FRMPD3: variants seen among roughly 807,000 people sequenced by gnomAD.
FRMPD3 encodes the protein FERM and PDZ domain containing 3, also known as FERM and PDZ domain-containing protein 3.
A neutral mutation model predicts 97.9 loss-of-function variants in FRMPD3; 42 were observed. The ratio of observed to expected loss-of-function variants is 0.43; its 90% CI spans 0.34 to 0.55. The LOEUF (loss-of-function observed/expected upper bound fraction) is 0.55, where lower values mean the gene tolerates loss of function less well. FRMPD3 is among the 20% of genes least tolerant of loss of function. The probability of loss-of-function intolerance (pLI) is 0.03; values close to 1 mark genes in which losing one functional copy is unlikely to be tolerated. For missense variants in FRMPD3, 1,303 were observed against 1,457.7 expected (o/e 0.89, Z 1.73); for synonymous variants, 577 against 581.1 (o/e 0.99, Z 0.10).
Position 107,579,190 on chromosome X carries a change from G to T in FRMPD3, c.1441+2731G>T, listed in dbSNP as rs1444737510. Among the ~76,000 whole-genome samples, 4 of 112,027 alleles carry T rather than the reference G, an allele frequency of 3.6e-5. No individual in the cohort carries two copies. The Admixed American group carries it at 3.8e-4, about 11-fold the overall frequency. ...TTAGGTCCTGGTCTCTCAGAAAAGG[G>T]AGGAAGAGGTCTGGCCAGCTCTATT... On this transcript the variant is annotated intron_variant, in intron 13 of 14. Transcript: ENST00000683843.
intron 4 of FRMPD3, among the ~76,000 whole-genome samples, chrX:107,541,711 G>A (rs1236938119): frequency 9.0e-6 from 1 of 111,438 alleles, no homozygotes; most frequent in Non-Finnish European, 1.9e-5. Context: ...GATACCAGTT[G>A]GGGTTCTTCA....
Position 107,537,631 on chromosome X carries a change from G to T in FRMPD3, c.297+4081G>T, listed in dbSNP as rs183343807. Among the ~76,000 whole-genome samples, 238 of 111,726 alleles carry T rather than the reference G, an allele frequency of 2.1e-3. 1 individual carries two copies. Among genetic ancestry groups the T allele is most frequent in the African/African-American group, 7.4e-3 (229 of 30,758 alleles). On this transcript the variant is annotated intron_variant, in intron 4 of 14. Coordinates refer to ENST00000683843, the MANE Select transcript of FRMPD3 (RefSeq NM_001388459.1). ...TGATCTACGTTTGTAAGGAGGTCCAGGGGGAGAGGTCAGGTGGCATCCAGG... is the reference window on the plus strand; with the variant it reads ...TGATCTACGTTTGTAAGGAGGTCCATGGGGAGAGGTCAGGTGGCATCCAGG...
At position 107,600,471 on chromosome X, in the gene FRMPD3, G is replaced by T. The variant is rs775299172; in HGVS notation, c.2432G>T (p.Arg811Leu). 1 of 1,208,502 alleles carries T rather than the reference G, an allele frequency of 8.3e-7. No individual in the cohort carries two copies. Among genetic ancestry groups the T allele is most frequent in the African/African-American group, 1.8e-5 (1 of 57,048 alleles). Residue 811 changes from arginine to leucine, a missense_variant, in exon 15 of 15, where the codon CGC becomes CTC. Physicochemically the swap from Arg to Leu is moderately radical, Grantham distance 102 (BLOSUM62 -2). Around this residue, in one of 3 missense-constraint regions of FRMPD3, gnomAD observed 764 missense variants for 820.2 expected, o/e 0.93. Transcript: ENST00000683843. ...CTCAACAAGGACAGCCTCCTTGCCCGCAAGGACCTGCCCTTCCGGATCCAG... is the reference window on the plus strand; with the variant it reads ...CTCAACAAGGACAGCCTCCTTGCCCTCAAGGACCTGCCCTTCCGGATCCAG... ...QHLNKDSLLA[R>L]KDLPFRIQSC...
At chrX:107,509,748 A>G (rs1164322090) in intron 1 of FRMPD3, among the ~76,000 whole-genome samples, 1 of 110,463 alleles carries the variant, frequency 9.1e-6, no homozygotes, top group Non-Finnish European at 1.9e-5. Flanking sequence ...TTCTGTGCTT[A>G]CATAGCATCC....
At chrX:107,560,601 T>A in intron 9 of FRMPD3, 126 bp from the exon 10 acceptor site, 2 of 930,888 alleles carry the variant, frequency 2.1e-6, no homozygotes, top group Non-Finnish European at 2.9e-6. Context: ...CCCTGTCCCT[T>A]TTTCTTTCTC....
intron 4 of FRMPD3, among the ~76,000 whole-genome samples, chrX:107,535,308 G>A (rs973105510): frequency 9.0e-6 from 1 of 111,631 alleles, no homozygotes; most frequent in Non-Finnish European, 1.9e-5. Context: ...ACAAGAAGTT[G>A]CAACGATAGT....
chrX:107,561,401 A>G (rs767778126), intron 10 of FRMPD3, among the ~76,000 whole-genome samples: 1 of 112,163 alleles, frequency 8.9e-6, no homozygotes, highest in Non-Finnish European at 1.9e-5. Flanking sequence ...CTAATTCATC[A>G]GTCCTAGGGT....
In FRMPD3 at chrX:107,522,526, G is replaced by C. The variant is rs371889623; in HGVS notation, c.-7-4056G>C. Reference sequence around the variant, plus strand: ...GGGGGTGCTGCAATTGTGGGTCCTAGCATAGAGATGTGGCCCCAGCTGGGC... The same window carrying C: ...GGGGGTGCTGCAATTGTGGGTCCTACCATAGAGATGTGGCCCCAGCTGGGC... On this transcript the variant is annotated intron_variant, in intron 1 of 14. Transcript: ENST00000683843. The C allele has an allele frequency of 9.8e-6, 5 of 512,386 alleles. No homozygotes were observed. The African/African-American group carries it at 1.2e-4, about 12-fold the overall frequency. 42.2% of individuals were successfully genotyped at this position (512,386 alleles called of 1,213,427 possible).
intron 1 of FRMPD3, among the ~76,000 whole-genome samples, chrX:107,496,420 A>C (rs1158849231): frequency 1.8e-5 from 2 of 111,846 alleles, no homozygotes; most frequent in African/African-American, 6.5e-5. Flanking sequence ...ACTTGGAATG[A>C]CGGCTCCATG....
intron 13 of FRMPD3, among the ~76,000 whole-genome samples, chrX:107,594,314 A>G (rs1197428459): frequency 5.4e-5 from 6 of 111,975 alleles, no homozygotes; most frequent in African/African-American, 1.9e-4. Context: ...AACAGTGACA[A>G]TTCGACTTCC....
chrX:107,597,361 C>T lies in FRMPD3; in HGVS notation c.1482C>T (p.His494=), dbSNP rs983529250. Residue 494 remains histidine, a synonymous_variant, in exon 14 of 15, where the codon CAC becomes CAT. Coordinates refer to ENST00000683843, the MANE Select transcript of FRMPD3 (RefSeq NM_001388459.1). ...CCCACCGCCCTGTCACTGGGGGCCA[C>T]CTGGGGAAAAAGGAGAGTAGTTATG... ...HSAHRPVTGG[H]LGKKESSYVG... is the part of the protein sequence containing the mutation. 10 of 1,207,129 alleles carry T rather than the reference C, an allele frequency of 8.3e-6. No homozygotes were observed. The highest frequency in any genetic ancestry group is 3.5e-5 in the African/African-American group (2 of 57,014).
chrX:107,474,455 A>G (rs759664251), intron 1 of FRMPD3, among the ~76,000 whole-genome samples: 1 of 111,327 alleles, frequency 9.0e-6, no homozygotes, highest in Admixed American at 9.5e-5. Flanking sequence ...AAATCAAGGA[A>G]GAGAGGAGTT....
At chrX:107,549,988 C>T (rs1182617069) in intron 5 of FRMPD3, 61 bp from the exon 6 acceptor site, 3 of 750,685 alleles carry the variant, frequency 4.0e-6, no homozygotes, top group Non-Finnish European at 6.1e-6. Flanking sequence ...CACCCTTCCT[C>T]TGGCTTCCTA....
At chrX:107,564,472 C>T (rs1455942789) in intron 11 of FRMPD3, among the ~76,000 whole-genome samples, 1 of 112,171 alleles carries the variant, frequency 8.9e-6, no homozygotes, top group Non-Finnish European at 1.9e-5. Flanking sequence ...AAAGACCAGA[C>T]ACAGGATGCC....
chrX:107,582,259 C>T lies in FRMPD3; in HGVS notation c.1441+5800C>T, dbSNP rs1923428396. Among the ~76,000 whole-genome samples the T allele has an allele frequency of 1.8e-5, 2 of 110,697 alleles. 1 individual carries two copies. The highest frequency in any genetic ancestry group is 3.8e-5 in the Non-Finnish European group (2 of 52,876). Reference sequence around the variant, plus strand: ...AGTGCATGTGCACAATCTCAGCTCACTGCGACCTCTGCCTCCTGGGTTCAA... The same window carrying T: ...AGTGCATGTGCACAATCTCAGCTCATTGCGACCTCTGCCTCCTGGGTTCAA... On this transcript the variant is annotated intron_variant, in intron 13 of 14. Coordinates refer to ENST00000683843, the MANE Select transcript of FRMPD3 (RefSeq NM_001388459.1).
chrX:107,492,643 G>A (rs1921687545), intron 1 of FRMPD3, among the ~76,000 whole-genome samples: 1 of 112,109 alleles, frequency 8.9e-6, no homozygotes, highest in Non-Finnish European at 1.9e-5. Flanking sequence ...TGCTAAAAAT[G>A]CAGAATCTCA....
chrX:107,592,461 A>C (rs1457127971), intron 13 of FRMPD3, among the ~76,000 whole-genome samples: 1 of 111,297 alleles, frequency 9.0e-6, no homozygotes, highest in Non-Finnish European at 1.9e-5. Flanking sequence ...CTTGGCTCCA[A>C]AAGTGCTGGG....
Position 107,603,113 on chromosome X carries a change from A to G in FRMPD3, c.5074A>G (p.Lys1692Glu). The change falls in exon 15 of 15, where the codon AAG becomes GAG. Residue 1692 changes from lysine to glutamate, a missense_variant. By Grantham distance (56) the Lys-to-Glu change is moderately conservative. This residue lies in a region of FRMPD3 where 764 missense variants were observed against 820.2 expected (regional missense o/e 0.93). Coordinates refer to ENST00000683843, the MANE Select transcript of FRMPD3 (RefSeq NM_001388459.1). ...SEAQRQELLAKVEEVVRNYTF... is the reference protein window; with the variant it reads ...SEAQRQELLAEVEEVVRNYTF... ...GGCCCAGCGCCAAGAGCTGCTGGCC[A>G]AGGTAGAAGAGGTGGTGAGGAACTA... is the stretch of plus-strand genomic sequence containing the variant. The G allele has an allele frequency of 8.3e-7, 1 of 1,208,644 alleles. No individual in the cohort carries two copies.
chrX:107,480,366 A>C (rs1384256003), intron 1 of FRMPD3, among the ~76,000 whole-genome samples: 1 of 111,863 alleles, frequency 8.9e-6, no homozygotes, highest in African/African-American at 3.3e-5. Flanking sequence ...ACTTGGGATG[A>C]GTGAAAGTTG....
Sources: gnomAD v4.1 joint callset for allele counts (sites outside exome capture counted in the v4.1 genomes callset) on GRCh38, gnomAD v4.1.1 for gene constraint, gnomAD v4.1.1 regional missense constraint, MANE v1.5 for transcripts, NCBI Gene and HGNC (gene_info 2026-07-23, HGNC 2026-07-21) for gene names.